TM6SF1: variants seen among roughly 807,000 people sequenced by gnomAD.
TM6SF1 encodes transmembrane 6 superfamily member 1.
A neutral mutation model predicts 47.1 loss-of-function variants in TM6SF1; 43 were observed. The ratio of observed to expected loss-of-function variants is 0.91; its 90% CI spans 0.72 to 1.18. The LOEUF is 1.18. Among genes scored for constraint, TM6SF1 ranks in the 50% most tolerant of loss-of-function variants. TM6SF1 has a pLI of 0.00. For synonymous variants in TM6SF1, 177 were observed against 166.3 expected (o/e 1.06, Z -0.49); for missense variants, 390 against 449.0 (o/e 0.87, Z 1.19).
In TM6SF1 at chr15:83,136,953, G is replaced by C. The variant is rs563764946; in HGVS notation, c.*281G>C. On this transcript the variant is annotated 3_prime_UTR_variant, in exon 10 of 10. Transcript: ENST00000322019. ...TGTTTGACATATAAAATAATTATAA[G>C]TGTAAAAAATTACAATTTAGTGCCA... The C allele has an allele frequency of 3.5e-5, 8 of 227,376 alleles. No individual in the cohort carries two copies. Among genetic ancestry groups the C allele is most frequent in the Middle Eastern group, 3.2e-3 (2 of 618 alleles). The allele number at this position is 227,376 out of a possible 1,614,324, so 14.1% of individuals were successfully genotyped here.
chr15:83,121,418 A>G (rs769094252), intron 4 of TM6SF1, among the ~76,000 whole-genome samples: 1 of 152,152 alleles, frequency 6.6e-6, no homozygotes, highest in African/African-American at 2.4e-5. Flanking sequence ...GATTTGGGGT[A>G]TATGTCTAGC....
At chr15:83,122,703 A>T in intron 5 of TM6SF1, 54 bp from the exon 6 acceptor site, 1 of 1,591,702 alleles carries the variant, frequency 6.3e-7, no homozygotes, top group Non-Finnish European at 8.5e-7. Context: ...CCTAAATATT[A>T]CTTGTGTTAG....
chr15:83,133,342 A>G (rs1439700113), intron 9 of TM6SF1: 3 of 152,246 alleles, frequency 2.0e-5, no homozygotes, highest in Non-Finnish European at 4.4e-5. Context: ...ACACTCTTTC[A>G]GTTCCTCCTT....
chr15:83,124,811 G>T, intron 7 of TM6SF1, 35 bp downstream of exon 7: 1 of 1,485,106 alleles, frequency 6.7e-7, no homozygotes, highest in South Asian at 1.2e-5. Context: ...GTAACATTGT[G>T]ATACTACTCA....
At chr15:83,127,317 C>T (rs1198731881) in intron 8 of TM6SF1, 41 bp from the exon 9 acceptor site, 2 of 1,530,742 alleles carry the variant, frequency 1.3e-6, no homozygotes, top group Admixed American at 2.1e-5. Context: ...GCCAAGTTAA[C>T]TGCCAATTTG....
chr15:83,127,323 A>G, intron 8 of TM6SF1, 35 bp from the exon 9 acceptor site: 3 of 1,539,908 alleles, frequency 1.9e-6, no homozygotes, highest in South Asian at 2.6e-5. Context: ...TTAACTGCCA[A>G]TTTGCTGATG....
At chr15:83,108,653 G>A (rs1484752844) in intron 1 of TM6SF1, among the ~76,000 whole-genome samples, 1 of 152,246 alleles carries the variant, frequency 6.6e-6, no homozygotes, top group Non-Finnish European at 1.5e-5. Flanking sequence ...TGTTCCTGCT[G>A]ATGTTGGTTG....
chr15:83,118,695 A>G (rs765610352), intron 3 of TM6SF1, among the ~76,000 whole-genome samples: 13 of 152,138 alleles, frequency 8.5e-5, no homozygotes, highest in Non-Finnish European at 1.8e-4. Context: ...TTGTTGTAGA[A>G]AGGACTTAAG....
chr15:83,127,313 T>G (rs1257078530), intron 8 of TM6SF1, 45 bp from the exon 9 acceptor site: 2 of 1,533,082 alleles, frequency 1.3e-6, no homozygotes, highest in Non-Finnish European at 8.8e-7. Context: ...TCAGGCCAAG[T>G]TAACTGCCAA....
chr15:83,112,390 G>T (rs2034267941), intron 1 of TM6SF1, among the ~76,000 whole-genome samples: 1 of 152,180 alleles, frequency 6.6e-6, no homozygotes, highest in Non-Finnish European at 1.5e-5. Flanking sequence ...GTTTCTGACT[G>T]GCCCTGAGGG....
At chr15:83,124,872 A>C in intron 7 of TM6SF1, 96 bp downstream of exon 7, 1 of 1,067,036 alleles carries the variant, frequency 9.4e-7, no homozygotes, top group South Asian at 1.4e-5. Flanking sequence ...TTTCCATCAG[A>C]CTTCTTAGCA....
intron 3 of TM6SF1, among the ~76,000 whole-genome samples, chr15:83,116,697 G>A (rs1294034936): frequency 6.6e-6 from 1 of 152,164 alleles, no homozygotes; most frequent in African/African-American, 2.4e-5. Flanking sequence ...AGGCTTCCTC[G>A]GGACCAGCAG....
intron 2 of TM6SF1, 193 bp downstream of exon 2, chr15:83,113,093 C>G: frequency 1.2e-5 from 7 of 593,990 alleles, no homozygotes; most frequent in Non-Finnish European, 2.1e-5. Context: ...TCCACCCTCT[C>G]CCAGGTGGCA....
intron 7 of TM6SF1, among the ~76,000 whole-genome samples, chr15:83,125,534 G>A (rs576940569): frequency 1.3e-5 from 2 of 152,218 alleles, no homozygotes; most frequent in East Asian, 1.9e-4. Context: ...TCAAACACTT[G>A]GTAGAGGCTC....
intron 4 of TM6SF1, 133 bp from the exon 5 acceptor site, chr15:83,121,788 T>TC (rs1567143513): frequency 1.5e-6 from 1 of 671,676 alleles, no homozygotes; most frequent in Non-Finnish European, 2.5e-6. Context: ...TTTGATTTAT[T>TC]CCTCTCAATT....
At chr15:83,129,406 G>A (rs1478686767) in intron 9 of TM6SF1, 1 of 152,152 alleles carries the variant, frequency 6.6e-6, no homozygotes, top group Non-Finnish European at 1.5e-5. Flanking sequence ...CAACTGAGGG[G>A]AGGCTGGTGA....
At chr15:83,124,851 A>G (rs1221225066) in intron 7 of TM6SF1, 75 bp downstream of exon 7, 2 of 1,327,634 alleles carry the variant, frequency 1.5e-6, no homozygotes, top group South Asian at 1.2e-5. Context: ...ACTTAGAAAT[A>G]TGTTTTTGTT....
intron 7 of TM6SF1, 140 bp from the exon 8 acceptor site, chr15:83,126,615 C>T: frequency 1.6e-6 from 1 of 623,854 alleles, no homozygotes; most frequent in Non-Finnish European, 2.8e-6. Context: ...ATATTTCCAT[C>T]ATTGATGAGC....
At chr15:83,136,325 A>G in intron 9 of TM6SF1, 156 bp from the exon 10 acceptor site, 1 of 493,892 alleles carries the variant, frequency 2.0e-6, no homozygotes. Flanking sequence ...AGACTCTGAC[A>G]TTAAAGACTC....
Sources: allele counts gnomAD v4.1 joint callset (sites outside exome capture counted in the v4.1 genomes callset), GRCh38; gene constraint gnomAD v4.1.1; transcripts MANE v1.5; gene names NCBI Gene and HGNC (gene_info 2026-07-23, HGNC 2026-07-21).